Variants in CAMTA1 observed in about 807,000 individuals in gnomAD.
The protein encoded by CAMTA1 is calmodulin-binding transcription activator 1.
Under a neutral mutation model 170.9 loss-of-function variants are expected in CAMTA1, and 27 were observed. The observed-to-expected ratio is 0.16, with a 90% confidence interval of 0.12 to 0.22. The LOEUF (loss-of-function observed/expected upper bound fraction) is 0.22, where lower values mean the gene tolerates loss of function less well. Ranked by LOEUF, CAMTA1 falls within the 10% of genes least tolerant of loss-of-function variation. CAMTA1 has a pLI of 1.00. For synonymous variants in CAMTA1, 833 were observed against 891.5 expected, an observed-to-expected ratio of 0.93 and a Z score of 1.17; for missense variants, 1,619 against 2,217.2, an observed-to-expected ratio of 0.73 and a Z score of 5.42.
In CAMTA1 at chr1:7,320,527, A is replaced by G. The variant is rs147021543; in HGVS notation, c.438+70901A>G. ...AGTCGATAGGCATCTTTCAGGATCC[A>G]TCTGGTTTCTGCAGGGTCTACGTTG... is the stretch of plus-strand genomic sequence containing the variant. On this transcript the variant is annotated intron_variant, in intron 5 of 22. Coordinates refer to ENST00000303635, the MANE Select transcript of CAMTA1 (RefSeq NM_015215.4). Among the ~76,000 whole-genome samples, 5 of 152,142 alleles carry G rather than the reference A, an allele frequency of 3.3e-5. No homozygotes were observed. The East Asian group carries it at 9.7e-4, about 29-fold the overall frequency.
At position 6,971,168 on chromosome 1, in the gene CAMTA1, G is replaced by A. The variant is rs997358676; in HGVS notation, c.235-120136G>A. On this transcript the variant is annotated intron_variant, in intron 3 of 22. Transcript: ENST00000303635. This position sits in a 1 kb window ranked among gnomAD's most constrained non-coding sequence, Gnocchi z 4.6. ...AACCTTGAAGTAATTAACAGAGTGAGCATGAGACGTTCCTGCTGGAGAAGA... is the reference window on the plus strand; with the variant it reads ...AACCTTGAAGTAATTAACAGAGTGAACATGAGACGTTCCTGCTGGAGAAGA... Among the ~76,000 whole-genome samples, 2 of 152,194 alleles carry A rather than the reference G, an allele frequency of 1.3e-5. No individual in the cohort carries two copies. Among genetic ancestry groups the A allele is most frequent in the Non-Finnish European group, 2.9e-5 (2 of 68,036 alleles).
chr1:6,786,906 C>G (rs868588680), intron 1 of CAMTA1, among the ~76,000 whole-genome samples: 2 of 152,154 alleles, frequency 1.3e-5, no homozygotes, highest in African/African-American at 4.8e-5. Flanking sequence ...ATTTTTGCCT[C>G]CACTTGACTC....
At chr1:7,411,482 T>C (rs1409838542) in intron 5 of CAMTA1, among the ~76,000 whole-genome samples, 2 of 139,334 alleles carry the variant, frequency 1.4e-5, no homozygotes, top group Non-Finnish European at 3.0e-5. Context: ...GAGGTTGCAG[T>C]GAGCCGAGAT....
chr1:7,338,509 T>C (rs1373222501), intron 5 of CAMTA1, among the ~76,000 whole-genome samples: 4 of 152,210 alleles, frequency 2.6e-5, no homozygotes, highest in African/African-American at 9.7e-5. Flanking sequence ...TCAATTCATG[T>C]ATTCAAATAT....
At chr1:7,132,908 C>T (rs947265614) in intron 4 of CAMTA1, among the ~76,000 whole-genome samples, 2 of 152,022 alleles carry the variant, frequency 1.3e-5, no homozygotes, top group African/African-American at 4.8e-5. Flanking sequence ...GGGTAAATTA[C>T]CTTAATTGAT....
chr1:7,764,235 A>G (rs1247904629), intron 22 of CAMTA1, among the ~76,000 whole-genome samples: 1 of 152,192 alleles, frequency 6.6e-6, no homozygotes, highest in Non-Finnish European at 1.5e-5. Flanking sequence ...ACTAAATGAT[A>G]TTTGGATCTA....
chr1:7,117,076 T>C (rs930946025), intron 4 of CAMTA1, among the ~76,000 whole-genome samples: 1 of 152,014 alleles, frequency 6.6e-6, no homozygotes, highest in African/African-American at 2.4e-5. Flanking sequence ...TCAAGTGATC[T>C]CCTCCTGCCT....
chr1:6,855,816 A>G (rs1369988765), intron 3 of CAMTA1, among the ~76,000 whole-genome samples: 1 of 152,190 alleles, frequency 6.6e-6, no homozygotes, highest in African/African-American at 2.4e-5. Context: ...AAACAGAGCA[A>G]CTGCTGCCCC....
At chr1:7,707,592 G>A (rs1373551312) in intron 11 of CAMTA1, among the ~76,000 whole-genome samples, 2 of 152,020 alleles carry the variant, frequency 1.3e-5, no homozygotes, top group African/African-American at 4.8e-5. Context: ...GCCCAGGCTG[G>A]GCTCAAACTC....
intron 3 of CAMTA1, among the ~76,000 whole-genome samples, chr1:7,018,144 TAACAGATGG>T (rs1700832334): frequency 1.3e-5 from 2 of 151,454 alleles, no homozygotes; most frequent in South Asian, 2.1e-4. Flanking sequence ...CAGGGCTTTT[TAACAGATGG>T]TCTCAGGAGT....
intron 5 of CAMTA1, among the ~76,000 whole-genome samples, chr1:7,447,300 GGTAAACACGTGGCA>G: frequency 6.6e-6 from 1 of 152,102 alleles, no homozygotes. Flanking sequence ...AAGGGCACTT[GGTAAACACGTGGCA>G]CGCATGGATG....
chr1:7,755,652 A>G lies in CAMTA1; in HGVS notation c.4973A>G (p.His1658Arg). 6.2e-7 allele frequency: 1 copy of G among 1,613,876 alleles called. No individual in the cohort carries two copies. The highest frequency in any genetic ancestry group is 8.5e-7 in the Non-Finnish European group (1 of 1,179,810). Reference protein sequence around the residue: ...RRCRHSPLVDHRLYKRSERIE... With the variant: ...RRCRHSPLVDRRLYKRSERIE... ...ACTGTCTAAAGCCCCCTGGTGGACCATAGGCTGTACAAAAGGGTGAGTTTA... is the reference window on the plus strand; with the variant it reads ...ACTGTCTAAAGCCCCCTGGTGGACCGTAGGCTGTACAAAAGGGTGAGTTTA... The change falls in exon 22 of 23, where the codon CAT (histidine) becomes CGT (arginine). Residue 1658 changes from histidine (H) to arginine (R), a missense_variant. Coordinates refer to ENST00000303635, the MANE Select transcript of CAMTA1 (RefSeq NM_015215.4).
intron 6 of CAMTA1, among the ~76,000 whole-genome samples, chr1:7,555,975 G>C (rs1049240535): frequency 6.6e-6 from 1 of 152,188 alleles, no homozygotes; most frequent in Non-Finnish European, 1.5e-5. Flanking sequence ...AAGATGGTTT[G>C]TTACTCATAG....
rs551488780 is a variant in CAMTA1, at chr1:7,417,605, GT to G, written c.439-50219del. 4.4e-4 allele frequency among the ~76,000 whole-genome samples: 67 copies of G among 152,350 alleles called. No homozygotes were observed. In the South Asian group the frequency reaches 0.013, roughly 30 times the overall value. Reference sequence around the variant, plus strand: ...GTGGGATATAATCTCCTGGTGTGCTGTTTTTTAAGCCCTTTGGAAAAGTGCA... The same window carrying G: ...GTGGGATATAATCTCCTGGTGTGCTGTTTTTAAGCCCTTTGGAAAAGTGCA... On this transcript the variant is annotated intron_variant, in intron 5 of 22. Transcript: ENST00000303635.
intron 4 of CAMTA1, among the ~76,000 whole-genome samples, chr1:7,225,834 A>G (rs60820200): frequency 0.026 from 3,895 of 152,258 alleles, 156 homozygotes; most frequent in African/African-American, 0.089. Flanking sequence ...AGTGACAGAA[A>G]CACATCCCCT....
intron 6 of CAMTA1, among the ~76,000 whole-genome samples, chr1:7,602,907 T>C (rs182875290): frequency 6.6e-6 from 1 of 152,366 alleles, no homozygotes; most frequent in Admixed American, 6.5e-5. Context: ...CTTCTTTCAT[T>C]ATGTACCCAG....
intron 3 of CAMTA1, among the ~76,000 whole-genome samples, chr1:7,033,749 A>G (rs1431077510): frequency 2.0e-5 from 3 of 151,692 alleles, no homozygotes; most frequent in Non-Finnish European, 2.9e-5. Flanking sequence ...GTATGCCACC[A>G]TGTCTGGCTA....
chr1:7,323,507 C>CTTTTTTTTTTTTTTTTTTTTTTT (rs56382342), intron 5 of CAMTA1, among the ~76,000 whole-genome samples: 3 of 108,998 alleles, frequency 2.8e-5, no homozygotes, highest in East Asian at 2.8e-4. Flanking sequence ...CTTTATTCTT[C>CTTTTTTTTTTTTTTTTTTTTTTT]TTTTTTTTTT....
At chr1:6,866,723 T>TC (rs1666698170) in intron 3 of CAMTA1, among the ~76,000 whole-genome samples, 1 of 152,196 alleles carries the variant, frequency 6.6e-6, no homozygotes, top group South Asian at 2.1e-4. Flanking sequence ...GATAGTCTCT[T>TC]TTTAGCGAAA....
Sources: allele counts gnomAD v4.1 joint callset (sites outside exome capture counted in the v4.1 genomes callset), GRCh38; gene constraint gnomAD v4.1.1; non-coding constraint Gnocchi (gnomAD v3.1); transcripts MANE v1.5; gene names NCBI Gene and HGNC (gene_info 2026-07-23, HGNC 2026-07-21).